ZBTB20: variants seen among roughly 807,000 people sequenced by gnomAD.
ZBTB20 encodes the protein zinc finger and BTB domain-containing protein 20.
Under a neutral mutation model 56.9 loss-of-function variants are expected in ZBTB20, and 9 were observed. The ratio of observed to expected loss-of-function variants is 0.16; its 90% CI spans 0.10 to 0.28. The LOEUF (loss-of-function observed/expected upper bound fraction) is 0.28. ZBTB20 is among the 10% of genes least tolerant of loss of function. ZBTB20 has a pLI of 1.00. For missense variants in ZBTB20, 655 were observed against 1,003.0 expected (o/e 0.65, Z 4.69); for synonymous variants, 417 against 420.7 (o/e 0.99, Z 0.11).
In ZBTB20 at chr3:114,961,699, A is replaced by C. The variant is rs577298632; in HGVS notation, c.-456+12667T>G. Among the ~76,000 whole-genome samples the C allele has an allele frequency of 5.3e-5, 8 of 152,304 alleles. No homozygotes were observed. In the East Asian group the frequency reaches 5.8e-4, roughly 11 times the overall value. On this transcript the variant is annotated intron_variant, in intron 3 of 11. Coordinates refer to ENST00000675478, the MANE Select transcript of ZBTB20 (RefSeq NM_001348800.3). ...GGAAACCCTATAATAAGAGCTTCCC[A>C]AAATGTCAAATAATACTTGTCTCAT...
At chr3:115,019,085 C>T (rs990639605) in intron 2 of ZBTB20, among the ~76,000 whole-genome samples, 1 of 151,216 alleles carries the variant, frequency 6.6e-6, no homozygotes, top group Non-Finnish European at 1.5e-5. Flanking sequence ...CAGCAATTTG[C>T]TCAGTTATAC....
At chr3:114,387,215 T>C (rs1463526596) in intron 8 of ZBTB20, 4 of 152,192 alleles carry the variant, frequency 2.6e-5, no homozygotes, top group African/African-American at 4.8e-5. Context: ...CTTCCAAGCC[T>C]TGTGACTAGG....
At chr3:114,513,500 T>C (rs2045641000) in intron 6 of ZBTB20, among the ~76,000 whole-genome samples, 1 of 152,158 alleles carries the variant, frequency 6.6e-6, no homozygotes. Flanking sequence ...AGGGGGTGTG[T>C]AGAACTAATG....
chr3:115,047,806 A>G (rs2081387778), intron 2 of ZBTB20, among the ~76,000 whole-genome samples: 1 of 152,204 alleles, frequency 6.6e-6, no homozygotes, highest in Non-Finnish European at 1.5e-5. Flanking sequence ...TTTATGTATA[A>G]CGAAATTGTT....
At chr3:114,560,921 C>T (rs1013632337) in intron 6 of ZBTB20, among the ~76,000 whole-genome samples, 1 of 152,118 alleles carries the variant, frequency 6.6e-6, no homozygotes, top group African/African-American at 2.4e-5. Context: ...AAAATTGGAG[C>T]CAATCCTCTC....
At chr3:114,549,395 A>G (rs1484153244) in intron 6 of ZBTB20, among the ~76,000 whole-genome samples, 1 of 152,174 alleles carries the variant, frequency 6.6e-6, no homozygotes, top group Non-Finnish European at 1.5e-5. Flanking sequence ...TTATTAAGAT[A>G]TTATCAAAGT....
intron 5 of ZBTB20, among the ~76,000 whole-genome samples, chr3:114,744,083 C>T (rs1173784888): frequency 2.0e-5 from 3 of 152,166 alleles, no homozygotes; most frequent in African/African-American, 7.2e-5. Flanking sequence ...GCACTTTCAT[C>T]TATAATCACA....
intron 7 of ZBTB20, among the ~76,000 whole-genome samples, chr3:114,392,108 C>T (rs1266891923): frequency 6.6e-6 from 1 of 152,112 alleles, no homozygotes; most frequent in East Asian, 1.9e-4. Context: ...TCTAACATTA[C>T]CAGCAGAAAT....
At chr3:114,507,098 T>G (rs1344409055) in intron 6 of ZBTB20, among the ~76,000 whole-genome samples, 1 of 152,160 alleles carries the variant, frequency 6.6e-6, no homozygotes, top group Non-Finnish European at 1.5e-5. Flanking sequence ...TTAGTGCATT[T>G]TAGGAGTGGG....
chr3:114,700,228 C>A (rs1462927667), intron 5 of ZBTB20, among the ~76,000 whole-genome samples: 1 of 151,946 alleles, frequency 6.6e-6, no homozygotes, highest in Non-Finnish European at 1.5e-5. Context: ...TCTCTCTTTT[C>A]ATCTTTTTAT....
intron 3 of ZBTB20, among the ~76,000 whole-genome samples, chr3:114,950,611 T>C (rs1362072960): frequency 6.6e-6 from 1 of 152,138 alleles, no homozygotes; most frequent in Admixed American, 6.6e-5. Context: ...TGAAAATTAT[T>C]TGGCACTATC....
intron 2 of ZBTB20, among the ~76,000 whole-genome samples, chr3:115,048,430 A>G (rs1459669721): frequency 2.6e-5 from 4 of 152,160 alleles, no homozygotes; most frequent in Non-Finnish European, 4.4e-5. Context: ...TGCCTATTTA[A>G]TGTAGTTTAA....
intron 5 of ZBTB20, among the ~76,000 whole-genome samples, chr3:114,708,467 G>C (rs2063851631): frequency 6.6e-6 from 1 of 151,588 alleles, no homozygotes; most frequent in African/African-American, 2.4e-5. Flanking sequence ...GTATCTAAAG[G>C]AATTACTCAA....
At chr3:115,032,534 C>T (rs1254876834) in intron 2 of ZBTB20, among the ~76,000 whole-genome samples, 1 of 151,134 alleles carries the variant, frequency 6.6e-6, no homozygotes, top group Non-Finnish European at 1.5e-5. Flanking sequence ...GAAACAATAA[C>T]AATAAAACAG....
Position 114,316,688 on chromosome 3 carries a change from T to C in ZBTB20, c.*22317A>G. ...TTAATTTATTTTTTAAAGTGCATTT[T>C]CAATGCAGAAAAACTGTAATCCACT... On this transcript the variant is annotated 3_prime_UTR_variant, in exon 12 of 12. Coordinates refer to ENST00000675478, the MANE Select transcript of ZBTB20 (RefSeq NM_001348800.3). The C allele has an allele frequency of 2.5e-6, 1 of 401,906 alleles. No individual in the cohort carries two copies. The highest frequency in any genetic ancestry group is 2.0e-5 in the South Asian group (1 of 50,818). 24.9% of individuals were successfully genotyped at this position (401,906 alleles called of 1,614,324 possible).
chr3:114,379,313 T>G (rs910896678), intron 10 of ZBTB20: 7 of 152,240 alleles, frequency 4.6e-5, no homozygotes, highest in African/African-American at 1.7e-4. Flanking sequence ...GGAGATCAGT[T>G]CAGAAGAGTT....
intron 4 of ZBTB20, among the ~76,000 whole-genome samples, chr3:114,890,679 A>G (rs1373545455): frequency 6.6e-6 from 1 of 152,180 alleles, no homozygotes; most frequent in Non-Finnish European, 1.5e-5. Flanking sequence ...CAGCACACCA[A>G]CATGGCACAT....
chr3:114,448,217 G>C (rs1476573276), intron 7 of ZBTB20, among the ~76,000 whole-genome samples: 1 of 151,978 alleles, frequency 6.6e-6, no homozygotes, highest in African/African-American at 2.4e-5. Context: ...ATTTGCTGTG[G>C]CTTCGTAAGA....
intron 5 of ZBTB20, among the ~76,000 whole-genome samples, chr3:114,760,682 A>G (rs2068372011): frequency 6.6e-6 from 1 of 152,242 alleles, no homozygotes; most frequent in Non-Finnish European, 1.5e-5. Flanking sequence ...AGCATGCAGC[A>G]TCTCTAGCAC....
Sources: allele counts gnomAD v4.1 joint callset (sites outside exome capture counted in the v4.1 genomes callset), GRCh38; gene constraint gnomAD v4.1.1; transcripts MANE v1.5; gene names NCBI Gene and HGNC (gene_info 2026-07-23, HGNC 2026-07-21).